KIAA1958: variants seen among roughly 807,000 people sequenced by gnomAD.
KIAA1958 encodes the protein KIAA1958, also known as uncharacterized protein KIAA1958.
Under a neutral mutation model 47.2 loss-of-function variants are expected in KIAA1958, and 14 were observed. That is an observed-to-expected ratio of 0.30 (90% CI 0.20 to 0.46). KIAA1958 has a LOEUF of 0.46. Ranked by LOEUF, KIAA1958 falls within the 20% of genes least tolerant of loss-of-function variation. The pLI is 1.00. For missense variants in KIAA1958, 803 were observed against 909.2 expected (o/e 0.88, Z 1.50); for synonymous variants, 354 against 353.3 (o/e 1.00, Z -0.02).
intron 1 of KIAA1958, among the ~76,000 whole-genome samples, chr9:112,498,510 C>A (rs10817354): frequency 0.96 from 145,968 of 152,324 alleles, 70,013 homozygotes; most frequent in African/African-American, 0.99. Flanking sequence ...AAATTCACGG[C>A]TTTACCAAAA....
intron 1 of KIAA1958, among the ~76,000 whole-genome samples, chr9:112,516,613 C>G (rs895403334): frequency 1.3e-5 from 2 of 152,058 alleles, no homozygotes; most frequent in Non-Finnish European, 2.9e-5. Context: ...GATTATAAAG[C>G]TCTTATAGAA....
intron 3 of KIAA1958, among the ~76,000 whole-genome samples, chr9:112,657,104 C>CTT (rs144431194): frequency 2.0e-5 from 3 of 150,724 alleles, no homozygotes; most frequent in East Asian, 1.9e-4. Context: ...TTCACTCTCC[C>CTT]TTTTTTTTTG....
intron 2 of KIAA1958, among the ~76,000 whole-genome samples, chr9:112,579,264 C>T (rs148906543): frequency 6.6e-6 from 1 of 152,010 alleles, no homozygotes; most frequent in Non-Finnish European, 1.5e-5. Context: ...CTTTCAACAT[C>T]TATCAGTCAA....
rs76740588 is a variant in KIAA1958, at chr9:112,587,882, A to G, written c.1171+12631A>G. On this transcript the variant is annotated intron_variant, in intron 2 of 3. Coordinates refer to ENST00000337530, the MANE Select transcript of KIAA1958 (RefSeq NM_133465.4). ...TATACCTCTGTTTCTTGATTTATCAACTTAATAAAATATCCATAGACTCTG... is the reference window on the plus strand; with the variant it reads ...TATACCTCTGTTTCTTGATTTATCAGCTTAATAAAATATCCATAGACTCTG... 6.5e-3 allele frequency among the ~76,000 whole-genome samples: 997 copies of G among 152,320 alleles called. 11 individuals carry two copies. Among genetic ancestry groups the G allele is most frequent in the African/African-American group, 0.023 (963 of 41,570 alleles).
chr9:112,647,770 T>C (rs1398264245), intron 3 of KIAA1958, among the ~76,000 whole-genome samples: 1 of 152,190 alleles, frequency 6.6e-6, no homozygotes. Context: ...AGGAAACAAG[T>C]GAGAGGAGCG....
At chr9:112,633,108 G>T (rs1836740292) in intron 2 of KIAA1958, among the ~76,000 whole-genome samples, 1 of 151,440 alleles carries the variant, frequency 6.6e-6, no homozygotes, top group Non-Finnish European at 1.5e-5. Context: ...GACCTTTTCT[G>T]GATTCTCTTC....
At chr9:112,488,338 G>A (rs1833906201) in intron 1 of KIAA1958, among the ~76,000 whole-genome samples, 1 of 152,120 alleles carries the variant, frequency 6.6e-6, no homozygotes, top group Non-Finnish European at 1.5e-5. Context: ...TTTCTGAATT[G>A]TCTTATTTGA....
Position 112,533,709 on chromosome 9 carries a change from A to G in KIAA1958, c.-24-40348A>G, listed in dbSNP as rs140110690. On this transcript the variant is annotated intron_variant, in intron 1 of 3. Transcript: ENST00000337530. ...TTTTCACAGGGTGGCAGGAGATAGA[A>G]TGAGTGCAGGCGGGGGAAATGGCAG... 2.4e-3 allele frequency among the ~76,000 whole-genome samples: 365 copies of G among 152,282 alleles called. 2 individuals are homozygous for G. Among genetic ancestry groups the G allele is most frequent in the African/African-American group, 8.4e-3 (347 of 41,554 alleles).
chr9:112,617,735 AT>A (rs1836431242), intron 2 of KIAA1958: 2 of 695,508 alleles, frequency 2.9e-6, no homozygotes, highest in African/African-American at 3.6e-5. Context: ...TGTAAATAAC[AT>A]TTATCAGTGA....
intron 1 of KIAA1958, among the ~76,000 whole-genome samples, chr9:112,555,801 G>GCAC (rs1478041103): frequency 3.3e-5 from 5 of 152,194 alleles, no homozygotes; most frequent in Non-Finnish European, 7.3e-5. Flanking sequence ...TTGACCCGGT[G>GCAC]CGGTGGCTCA....
rs1255872260 is a variant in KIAA1958 at position 112,574,432 on chromosome 9, G to C, written c.352G>C (p.Asp118His). The change falls in exon 2 of 4, where the codon GAC becomes CAC. Residue 118 changes from aspartate to histidine, a missense_variant. Transcript: ENST00000337530. ...AAAGCTAGACTGTAACCGGACCAGA[G>C]ACTCTTGTGACTTCTCCTACTGTAG... Reference protein sequence around the residue: ...KAKLDCNRTRDSCDFSYCSEP... With the variant: ...KAKLDCNRTRHSCDFSYCSEP... 6.2e-7 allele frequency: 1 copy of C among 1,614,166 alleles called. No homozygotes were observed. The highest frequency in any genetic ancestry group is 8.5e-7 in the Non-Finnish European group (1 of 1,180,016).
Position 112,659,366 on chromosome 9 carries a change from G to A in KIAA1958, c.1448G>A (p.Arg483Gln), listed in dbSNP as rs773702898. Residue 483 changes from arginine (R) to glutamine (Q), a missense_variant, in exon 4 of 4, where the codon CGA becomes CAA. Transcript: ENST00000337530. Reference protein sequence around the residue: ...FLATSLHAIRRGLDRILKNAG... With the variant: ...FLATSLHAIRQGLDRILKNAG... ...GCCACCTCGCTCCATGCTATTCGCCGAGGCCTGGACCGCATCCTGAAGAAT... is the reference window on the plus strand; with the variant it reads ...GCCACCTCGCTCCATGCTATTCGCCAAGGCCTGGACCGCATCCTGAAGAAT... 10 of 1,614,016 alleles carry A rather than the reference G, an allele frequency of 6.2e-6. No individual in the cohort carries two copies. The highest frequency in any genetic ancestry group is 2.2e-5 in the East Asian group (1 of 44,896).
chr9:112,616,374 A>G (rs745575469), intron 2 of KIAA1958, among the ~76,000 whole-genome samples: 68 of 152,240 alleles, frequency 4.5e-4, no homozygotes, highest in Non-Finnish European at 8.4e-4. Context: ...TTGTCATTTT[A>G]AAATAGCATG....
At chr9:112,508,636 T>C (rs969893828) in intron 1 of KIAA1958, among the ~76,000 whole-genome samples, 4 of 152,236 alleles carry the variant, frequency 2.6e-5, no homozygotes, top group Admixed American at 6.5e-5. Flanking sequence ...GCTCCCTGCA[T>C]ATGTACAATG....
chr9:112,540,741 G>T (rs1283511591), intron 1 of KIAA1958, among the ~76,000 whole-genome samples: 3 of 150,802 alleles, frequency 2.0e-5, no homozygotes, highest in South Asian at 2.1e-4. Flanking sequence ...TTGAGACGGG[G>T]TGTCATTCTG....
Position 112,654,152 on chromosome 9 carries a change from A to G in KIAA1958, c.1345-5111A>G, listed in dbSNP as rs548432296. 7.7e-4 allele frequency among the ~76,000 whole-genome samples: 118 copies of G among 152,368 alleles called. 1 individual carries two copies. The highest frequency in any genetic ancestry group is 2.6e-3 in the African/African-American group (109 of 41,580). ...TCAGAAGCAGATTGTGAAGACTTGC[A>G]CACAAAGTAAACAGTTTGGAATTTA... On this transcript the variant is annotated intron_variant, in intron 3 of 3. Coordinates refer to ENST00000337530, the MANE Select transcript of KIAA1958 (RefSeq NM_133465.4).
At chr9:112,522,874 C>G (rs1834573747) in intron 1 of KIAA1958, among the ~76,000 whole-genome samples, 1 of 152,152 alleles carries the variant, frequency 6.6e-6, no homozygotes, top group Non-Finnish European at 1.5e-5. Flanking sequence ...ATTGTGTCGA[C>G]CCTAACATCT....
intron 2 of KIAA1958, among the ~76,000 whole-genome samples, chr9:112,593,343 G>A (rs1038880068): frequency 1.2e-4 from 18 of 152,040 alleles, no homozygotes; most frequent in Admixed American, 7.9e-4. Flanking sequence ...ACCAGTTCCC[G>A]GCCACGAACT....
At chr9:112,489,736 A>G (rs1833930945) in intron 1 of KIAA1958, among the ~76,000 whole-genome samples, 1 of 152,182 alleles carries the variant, frequency 6.6e-6, no homozygotes, top group South Asian at 2.1e-4. Context: ...AATATAGCTG[A>G]CATTTACCAC....
Sources: gnomAD v4.1 joint callset for allele counts (sites outside exome capture counted in the v4.1 genomes callset) on GRCh38, gnomAD v4.1.1 for gene constraint, MANE v1.5 for transcripts, NCBI Gene and HGNC (gene_info 2026-07-23, HGNC 2026-07-21) for gene names.